The following FTCDNL1 variants were observed in gnomAD, a reference collection of about 807,000 sequenced individuals.
FTCDNL1 encodes formiminotransferase cyclodeaminase N-terminal like.
FTCDNL1 carries 11 observed loss-of-function variants against 5.9 expected under a neutral mutation model. The ratio of observed to expected loss-of-function variants is 1.87; its 90% CI spans 1.18 to 3.10. The LOEUF is 3.10. Ranked by LOEUF, FTCDNL1 falls within the 30% of genes most tolerant of loss-of-function variation. The pLI is 0.00. For synonymous variants in FTCDNL1, 58 were observed against 24.8 expected (o/e 2.34, Z -3.99); for missense variants, 115 against 65.5 (o/e 1.76, Z -2.61).
At chr2:199,722,289 G>A in the FTCDNL1 span, among the ~76,000 whole-genome samples, 1 of 152,246 alleles carries the variant, frequency 6.6e-6, no homozygotes, top group South Asian at 2.1e-4. Context: ...GGTGCATCTT[G>A]AATTAATTTT....
chr2:199,777,151 G>T (rs1699131544), intron 3 of FTCDNL1, among the ~76,000 whole-genome samples: 1 of 152,032 alleles, frequency 6.6e-6, no homozygotes, highest in African/African-American at 2.4e-5. Flanking sequence ...AAATTAGCCA[G>T]GTGCAGTGGC....
Position 199,783,388 on chromosome 2 carries a change from C to G in FTCDNL1, c.212-22553G>C, listed in dbSNP as rs538153193. ...GGGGGTTGTATACCTACTTTAATGA[C>G]ACCAATGTTAATAAGTTCTCGTATA... On this transcript the variant is annotated intron_variant, in intron 3 of 3. Coordinates refer to the FTCDNL1 transcript ENST00000416668. Among the ~76,000 whole-genome samples, 87 of 152,250 alleles carry G rather than the reference C, an allele frequency of 5.7e-4. 2 individuals carry two copies. Among genetic ancestry groups the G allele is most frequent in the African/African-American group, 2.0e-3 (82 of 41,540 alleles).
chr2:199,770,806 T>G (rs149892331), intron 3 of FTCDNL1, among the ~76,000 whole-genome samples: 6 of 152,350 alleles, frequency 3.9e-5, no homozygotes, highest in Admixed American at 6.5e-5. Flanking sequence ...AGCTACATGC[T>G]GAATAGAAAA....
the FTCDNL1 span, among the ~76,000 whole-genome samples, chr2:199,724,580 G>T: frequency 6.6e-6 from 1 of 152,010 alleles, no homozygotes; most frequent in East Asian, 1.9e-4. Context: ...CTGGTATGTT[G>T]TCTCCTTGTT....
the FTCDNL1 span, among the ~76,000 whole-genome samples, chr2:199,752,844 GAGAC>G: frequency 6.8e-3 from 1,030 of 151,804 alleles, 11 homozygotes; most frequent in African/African-American, 0.022. Context: ...GAGAGAGAGA[GAGAC>G]AGACAATGAG....
the FTCDNL1 span, among the ~76,000 whole-genome samples, chr2:199,746,381 A>C: frequency 6.6e-6 from 1 of 152,162 alleles, no homozygotes; most frequent in South Asian, 2.1e-4. Flanking sequence ...GCCTTCTGTC[A>C]TGGAGTGACA....
the FTCDNL1 span, among the ~76,000 whole-genome samples, chr2:199,695,939 T>C: frequency 1.3e-5 from 2 of 152,204 alleles, no homozygotes; most frequent in African/African-American, 4.8e-5. Flanking sequence ...CAGTCTAATC[T>C]GAGCACCCTC....
the FTCDNL1 span, among the ~76,000 whole-genome samples, chr2:199,751,553 G>A: frequency 6.6e-6 from 1 of 152,136 alleles, no homozygotes; most frequent in South Asian, 2.1e-4. Context: ...GACAGGTCAG[G>A]CACAGCCGTC....
At chr2:199,677,814 C>T in the FTCDNL1 span, among the ~76,000 whole-genome samples, 45 of 152,314 alleles carry the variant, frequency 3.0e-4, no homozygotes, top group Middle Eastern at 0.017. Flanking sequence ...CCAATCGTTT[C>T]AACTCTGTTT....
In FTCDNL1 at chr2:199,811,240, C is replaced by A. The variant is rs1574584082; in HGVS notation, c.*1465G>T. 6.6e-6 allele frequency among the ~76,000 whole-genome samples: 1 copy of A among 152,338 alleles called. No individual in the cohort carries two copies. The highest frequency in any genetic ancestry group is 1.9e-4 in the East Asian group (1 of 5,192). On this transcript the variant is annotated 3_prime_UTR_variant, in exon 5 of 5. Coordinates refer to ENST00000420128, the MANE Select transcript of FTCDNL1 (RefSeq NM_001363886.2). ...TCTTTAAGAATTATATCAGTTTTAACATTGCACAGAGTATAATTGGAATTT... is the reference window on the plus strand; with the variant it reads ...TCTTTAAGAATTATATCAGTTTTAAAATTGCACAGAGTATAATTGGAATTT...
chr2:199,696,531 G>A, the FTCDNL1 span, among the ~76,000 whole-genome samples: 1 of 152,164 alleles, frequency 6.6e-6, no homozygotes, highest in Non-Finnish European at 1.5e-5. Flanking sequence ...CTTCCCAGGA[G>A]TGCTGAGCTG....
At chr2:199,786,105 C>T (rs113740857) in intron 3 of FTCDNL1, among the ~76,000 whole-genome samples, 2,069 of 152,166 alleles carry the variant, frequency 0.014, 40 homozygotes, top group African/African-American at 0.047. Context: ...TCCTGCTGTG[C>T]GGCCCAGTTC....
intron 3 of FTCDNL1, among the ~76,000 whole-genome samples, chr2:199,830,703 C>T (rs1050804286): frequency 6.6e-6 from 1 of 152,052 alleles, no homozygotes; most frequent in Admixed American, 6.6e-5. Flanking sequence ...ATTAACAAAG[C>T]GACCGCAATA....
chr2:199,813,228 C>T (rs537006437), intron 4 of FTCDNL1, among the ~76,000 whole-genome samples: 15 of 152,204 alleles, frequency 9.9e-5, no homozygotes, highest in Admixed American at 2.6e-4. Flanking sequence ...AAAACAATAG[C>T]GAAGAGCCCA....
chr2:199,710,227 A>T, the FTCDNL1 span, among the ~76,000 whole-genome samples: 1 of 152,160 alleles, frequency 6.6e-6, no homozygotes, highest in African/African-American at 2.4e-5. Context: ...CACTAGTTAA[A>T]ATGTGCTTCA....
At chr2:199,781,907 G>A (rs1699384980) in intron 3 of FTCDNL1, among the ~76,000 whole-genome samples, 1 of 152,090 alleles carries the variant, frequency 6.6e-6, no homozygotes, top group Non-Finnish European at 1.5e-5. Flanking sequence ...AGCCTCCCGA[G>A]TAGCTGGGAC....
At chr2:199,782,832 G>T (rs1042686254) in intron 3 of FTCDNL1, among the ~76,000 whole-genome samples, 2 of 152,148 alleles carry the variant, frequency 1.3e-5, no homozygotes, top group African/African-American at 4.8e-5. Flanking sequence ...ATTTTGCAGG[G>T]TCCTTCATCC....
rs115238316 is a variant in FTCDNL1 at position 199,770,929 on chromosome 2, T to G, written c.212-10094A>C. On this transcript the variant is annotated intron_variant, in intron 3 of 3. Coordinates refer to the FTCDNL1 transcript ENST00000416668. ...GCTGCACAGAGCCGTAAGCTCTTACTCTGCTAAGGAATCCAGCCCTGTTAG... is the reference window on the plus strand; with the variant it reads ...GCTGCACAGAGCCGTAAGCTCTTACGCTGCTAAGGAATCCAGCCCTGTTAG... 6.6e-3 allele frequency among the ~76,000 whole-genome samples: 1,005 copies of G among 152,310 alleles called. 10 individuals carry two copies. Among genetic ancestry groups the G allele is most frequent in the African/African-American group, 0.023 (959 of 41,554 alleles).
chr2:199,811,917 GACTT>G lies in FTCDNL1; in HGVS notation c.*784_*787del, dbSNP rs1701059178. 6.6e-6 allele frequency among the ~76,000 whole-genome samples: 1 copy of G among 152,184 alleles called. No homozygotes were observed. The highest frequency in any genetic ancestry group is 1.9e-4 in the East Asian group (1 of 5,202). On this transcript the variant is annotated 3_prime_UTR_variant, in exon 5 of 5. Coordinates refer to ENST00000420128, the MANE Select transcript of FTCDNL1 (RefSeq NM_001363886.2). Reference sequence around the variant, plus strand: ...GTACACTGTTCAGTGTCCCAACAGCGACTTACTTGATTGAAATGAAACTCTTATT... The same window carrying G: ...GTACACTGTTCAGTGTCCCAACAGCGACTTGATTGAAATGAAACTCTTATT...
Sources: allele counts gnomAD v4.1 joint callset (sites outside exome capture counted in the v4.1 genomes callset), GRCh38; gene constraint gnomAD v4.1.1; transcripts MANE v1.5; gene names NCBI Gene and HGNC (gene_info 2026-07-23, HGNC 2026-07-21).